PLXND1: variants seen among roughly 807,000 people sequenced by gnomAD.
PLXND1 encodes the protein plexin-D1.
A neutral mutation model predicts 197.7 loss-of-function variants in PLXND1; 54 were observed. The ratio of observed to expected loss-of-function variants is 0.27; its 90% CI spans 0.22 to 0.34. PLXND1 has a LOEUF of 0.34. Ranked by LOEUF, PLXND1 falls within the 10% of genes least tolerant of loss-of-function variation. The pLI is 1.00. For missense variants in PLXND1, 2,127 were observed against 2,699.2 expected (o/e 0.79, Z 4.70); for synonymous variants, 1,180 against 1,161.2 (o/e 1.02, Z -0.33).
At position 129,572,740 on chromosome 3, in the gene PLXND1, C is replaced by T; in HGVS notation, c.2946G>A (p.Leu982=). 6.3e-7 allele frequency: 1 copy of T among 1,598,424 alleles called. No individual in the cohort carries two copies. The highest frequency in any genetic ancestry group is 2.2e-5 in the East Asian group (1 of 44,682). ...CCATGGTAGGCTCCAGGGAGTGGAC[C>T]AGGGGCAGCTGTGGGAGGAAGGCAG... ...SRDRFSYVLP[L]VHSLEPTMGP... is the part of the protein sequence containing the mutation. Residue 982 remains leucine (L), a synonymous_variant, in exon 15 of 36, where the codon CTG becomes CTA. Coordinates refer to ENST00000324093, the MANE Select transcript of PLXND1 (RefSeq NM_015103.3).
At chr3:129,561,994 C>A in intron 27 of PLXND1, 91 bp from the exon 28 acceptor site, 1 of 815,354 alleles carries the variant, frequency 1.2e-6, no homozygotes, top group South Asian at 1.4e-5. Flanking sequence ...AGAGGCCTCT[C>A]GCTCTCTCCA....
At chr3:129,599,247 A>G (rs1214594988) in intron 1 of PLXND1, among the ~76,000 whole-genome samples, 1 of 152,240 alleles carries the variant, frequency 6.6e-6, no homozygotes, top group Admixed American at 6.5e-5. Flanking sequence ...GACTTTGCAG[A>G]GGGCGTTTCT....
chr3:129,605,600 C>A lies in PLXND1; in HGVS notation c.1040G>T (p.Gly347Val), dbSNP rs1382908892. 37 of 1,533,642 alleles carry A rather than the reference C, an allele frequency of 2.4e-5. No individual in the cohort carries two copies. Among genetic ancestry groups the A allele is most frequent in the Non-Finnish European group, 3.1e-5 (35 of 1,144,478 alleles). The change falls in exon 1 of 36, where the codon GGC becomes GTC. Residue 347 changes from glycine (G) to valine (V), a missense_variant. Physicochemically the swap from Gly to Val is moderately radical, Grantham distance 109 (BLOSUM62 -3). Coordinates refer to ENST00000324093, the MANE Select transcript of PLXND1 (RefSeq NM_015103.3). ...GTAGAGGTCGCCGCGGCCCGCGCCG[C>A]CCGCGCACTGCAAGCCCAACTGGAT... ...SYIQLGLQCA[G>V]GAGRGDLYSR...
rs557479575 is a variant in PLXND1, at chr3:129,560,357, G to T, written c.5106C>A (p.Ile1702=). 5.0e-6 allele frequency: 8 copies of T among 1,613,604 alleles called. No individual in the cohort carries two copies. The African/African-American group carries it at 9.3e-5, about 19-fold the overall frequency. Reference sequence around the variant, plus strand: ...TGGTGGAGAGCAGGCGGGTCAGGTAGATTTCCGGGAGCACCTTCTTGCGAT... The same window carrying T: ...TGGTGGAGAGCAGGCGGGTCAGGTATATTTCCGGGAGCACCTTCTTGCGAT... ...QSHRKKVLPE[I]YLTRLLSTKG... is the part of the protein sequence containing the mutation. Residue 1702 remains isoleucine, a synonymous_variant, in exon 31 of 36, where the codon ATC becomes ATA. Transcript: ENST00000324093.
rs749184239 is a variant in PLXND1 at position 129,558,902 on chromosome 3, T to C, written c.5298-327A>G. 6.6e-6 allele frequency among the ~76,000 whole-genome samples: 1 copy of C among 151,952 alleles called. No individual in the cohort carries two copies. Among genetic ancestry groups the C allele is most frequent in the Non-Finnish European group, 1.5e-5 (1 of 67,948 alleles). On this transcript the variant is annotated intron_variant, in intron 32 of 35. Transcript: ENST00000324093. This position sits in a 1 kb window ranked among gnomAD's most constrained non-coding sequence, Gnocchi z 4.1. ...GCACCCCTGGCTCCTCCCTGAACCC[T>C]TGCAGGCAGCAGGAAGTCCGACATT...
At chr3:129,574,232 G>T in intron 12 of PLXND1, 104 bp downstream of exon 12, 2 of 1,028,118 alleles carry the variant, frequency 1.9e-6, no homozygotes, top group Non-Finnish European at 2.8e-6. Flanking sequence ...CCCATGTGTC[G>T]GTGTATGTGC....
At position 129,571,783 on chromosome 3, in the gene PLXND1, C is replaced by T. The variant is rs771634154; in HGVS notation, c.3139G>A (p.Val1047Met). The stretch of plus-strand genomic sequence containing the variant: ...CCCCGACGCTCGAAGCGCACACACA[C>T]AGGCACCGGAGCCGGCAGGGCCCCC... The part of the protein sequence containing the change: ...PEGALPAPVP[V>M]CVRFERRGCV... Residue 1047 changes from valine (V) to methionine (M), a missense_variant, in exon 16 of 36, where the codon GTG (valine) becomes ATG (methionine). Val to Met is a conservative substitution (Grantham distance 21). This residue lies in a region of PLXND1 where 1,095 missense variants were observed against 1,259.8 expected (regional missense o/e 0.87). Transcript: ENST00000324093. 1.9e-6 allele frequency: 3 copies of T among 1,613,216 alleles called. No individual in the cohort carries two copies. Among genetic ancestry groups the T allele is most frequent in the Non-Finnish European group, 2.5e-6 (3 of 1,179,922 alleles).
chr3:129,584,353 C>G lies in PLXND1; in HGVS notation c.2029+32G>C, dbSNP rs761371419. The G allele has an allele frequency of 4.4e-6, 7 of 1,607,944 alleles. No homozygotes were observed. In the African/African-American group the frequency reaches 8.0e-5, roughly 18 times the overall value. ...CCTGACAGTCCACCGTTCTGCCCCT[C>G]TGGGGCTGTGCCAACAGCACAGCGT... On this transcript the variant is annotated intron_variant, in intron 6 of 35. Transcript: ENST00000324093.
chr3:129,583,588 G>C lies in PLXND1; in HGVS notation c.2220C>G (p.Cys740Trp), dbSNP rs758049237. 8 of 1,613,198 alleles carry C rather than the reference G, an allele frequency of 5.0e-6. No individual in the cohort carries two copies. The highest frequency in any genetic ancestry group is 1.1e-5 in the South Asian group (1 of 90,998). Residue 740 changes from cysteine (C) to tryptophan (W), a missense_variant, in exon 8 of 36, where the codon TGC becomes TGG. Cys to Trp is a radical substitution (Grantham distance 215). This residue lies in a region of PLXND1 where 1,095 missense variants were observed against 1,259.8 expected (regional missense o/e 0.87). Coordinates refer to ENST00000324093, the MANE Select transcript of PLXND1 (RefSeq NM_015103.3). ...QHSCVSNQSR[C>W]EASPNPTSPQ... ...TTACCGTGGGGTTTGGTGAGGCCTCGCACCGAGACTGGTTGGAAACACAGG... is the reference window on the plus strand; with the variant it reads ...TTACCGTGGGGTTTGGTGAGGCCTCCCACCGAGACTGGTTGGAAACACAGG...
At position 129,571,207 on chromosome 3, in the gene PLXND1, C is replaced by A; in HGVS notation, c.3433G>T (p.Ala1145Ser). Residue 1145 changes from alanine to serine, a missense_variant, in exon 18 of 36, where the codon GCC becomes TCC. Ala to Ser is a moderately conservative substitution (Grantham distance 99, BLOSUM62 1). Around this residue, in one of 6 missense-constraint regions of PLXND1, gnomAD observed 532 missense variants for 811.0 expected, o/e 0.66. Coordinates refer to ENST00000324093, the MANE Select transcript of PLXND1 (RefSeq NM_015103.3). ...GCCACAGCCACCTCGTCTGCGTAGG[C>A]CCGCCCATTGATGAAGAAGTCCACT... is the stretch of plus-strand genomic sequence containing the variant. ...APVDFFINGR[A>S]YADEVAVAEE... 1 of 1,614,184 alleles carries A rather than the reference C, an allele frequency of 6.2e-7. No homozygotes were observed. Among genetic ancestry groups the A allele is most frequent in the South Asian group, 1.1e-5 (1 of 91,088 alleles).
Position 129,575,438 on chromosome 3 carries a change from G to A in PLXND1, c.2530+31C>T, listed in dbSNP as rs546924698. 220 of 1,405,642 alleles carry A rather than the reference G, an allele frequency of 1.6e-4. 1 individual carries two copies. The highest frequency in any genetic ancestry group is 1.2e-3 in the South Asian group (101 of 81,256). 87.1% of individuals were successfully genotyped at this position (1,405,642 alleles called of 1,614,324 possible). On this transcript the variant is annotated intron_variant, in intron 11 of 35. Transcript: ENST00000324093. ...GCCCCACCCACTGCACTGAGGCCCC[G>A]AGGCCATGTGGGGCGGGTGGGGGTG...
At chr3:129,573,445 T>C (rs2085265976) in intron 13 of PLXND1, 149 bp downstream of exon 13, 13 of 749,420 alleles carry the variant, frequency 1.7e-5, no homozygotes, top group South Asian at 7.3e-5. Flanking sequence ...GTGGTGGGAA[T>C]GGCTTCGGCA....
In PLXND1 at chr3:129,606,184, G is replaced by A; in HGVS notation, c.456C>T (p.Arg152=). Residue 152 remains arginine (R), a synonymous_variant, in exon 1 of 36, where the codon CGC becomes CGT. Coordinates refer to ENST00000324093, the MANE Select transcript of PLXND1 (RefSeq NM_015103.3). Reference sequence around the variant, plus strand: ...CGGCCACGGCCGAGATGTTGCCCCGGCGCCGCAGCTGGCAGAAGCCCTGGT... The same window carrying A: ...CGGCCACGGCCGAGATGTTGCCCCGACGCCGCAGCTGGCAGAAGCCCTGGT... The part of the protein sequence containing the change: ...SIYQGFCQLR[R]RGNISAVAVR... The A allele has an allele frequency of 6.4e-7, 1 of 1,552,694 alleles. No individual in the cohort carries two copies. Among genetic ancestry groups the A allele is most frequent in the South Asian group, 1.2e-5 (1 of 85,246 alleles).
At position 129,567,820 on chromosome 3, in the gene PLXND1, G is replaced by C; in HGVS notation, c.3866-15C>G. ...GACGAACAGGGCTGCGGGCAGTGGA[G>C]AGGCAGGTCAGGCCTCTGGTGCCCT... On this transcript the variant is annotated splice_polypyrimidine_tract_variant and intron_variant, in intron 20 of 35. Coordinates refer to ENST00000324093, the MANE Select transcript of PLXND1 (RefSeq NM_015103.3). 6.5e-7 allele frequency: 1 copy of C among 1,547,298 alleles called. No homozygotes were observed. The highest frequency in any genetic ancestry group is 1.1e-5 in the South Asian group (1 of 88,882).
At position 129,584,474 on chromosome 3, in the gene PLXND1, G is replaced by T; in HGVS notation, c.1940C>A (p.Ala647Asp). ...ACCAAAGGCAGGGCCTGGGACCCGA[G>T]CCACAGTGCGGATGTTGTTCCCATA... ...CDYGNNIRTV[A>D]RVPGPAFGHQ... is the part of the protein sequence containing the mutation. Residue 647 changes from alanine to aspartate, a missense_variant, in exon 6 of 36, where the codon GCT (alanine) becomes GAT (aspartate). Coordinates refer to ENST00000324093, the MANE Select transcript of PLXND1 (RefSeq NM_015103.3). 6.2e-7 allele frequency: 1 copy of T among 1,614,008 alleles called. No homozygotes were observed. The highest frequency in any genetic ancestry group is 8.5e-7 in the Non-Finnish European group (1 of 1,180,000).
chr3:129,593,704 C>T (rs1296586629), intron 1 of PLXND1, among the ~76,000 whole-genome samples: 1 of 152,244 alleles, frequency 6.6e-6, no homozygotes, highest in Non-Finnish European at 1.5e-5. Flanking sequence ...ATGCTGGGTG[C>T]TGGAGAACTG....
At position 129,556,408 on chromosome 3, in the gene PLXND1, G is replaced by T; in HGVS notation, c.5682C>A (p.Ala1894=). ...YRPQIMAALE[A]NPTARRTQLQ... is the part of the protein sequence containing the mutation. Reference sequence around the variant, plus strand: ...GTTGTGTCCTCCGGGCCGTGGGGTTGGCCTCCAGCGCGGCCATGATCTGAG... The same window carrying T: ...GTTGTGTCCTCCGGGCCGTGGGGTTTGCCTCCAGCGCGGCCATGATCTGAG... The change falls in exon 36 of 36, where the codon GCC becomes GCA. Residue 1894 remains alanine, a synonymous_variant. Transcript: ENST00000324093. 1 of 1,614,118 alleles carries T rather than the reference G, an allele frequency of 6.2e-7. No homozygotes were observed. The highest frequency in any genetic ancestry group is 2.2e-5 in the East Asian group (1 of 44,876).
intron 1 of PLXND1, among the ~76,000 whole-genome samples, chr3:129,601,127 A>G (rs557179491): frequency 6.6e-6 from 1 of 152,172 alleles, no homozygotes; most frequent in Non-Finnish European, 1.5e-5. Context: ...CTTGCACTCC[A>G]AACAGGTTGT....
In PLXND1 at chr3:129,567,547, T is replaced by G. The variant is rs1433776539; in HGVS notation, c.4031A>C (p.Gln1344Pro). The change falls in exon 22 of 36, where the codon CAG (glutamine) becomes CCG (proline). Residue 1344 changes from glutamine (Q) to proline (P), a missense_variant. Physicochemically the swap from Gln to Pro is moderately conservative, Grantham distance 76. Coordinates refer to ENST00000324093, the MANE Select transcript of PLXND1 (RefSeq NM_015103.3). ...TDLTKELNRSQGIPFLEYKHF... is the reference protein window; with the variant it reads ...TDLTKELNRSPGIPFLEYKHF... Reference sequence around the variant, plus strand: ...CTTATACTCCAGGAAGGGGATGCCCTGGCTGCGGTTCAGCTCCTTGGTGAG... The same window carrying G: ...CTTATACTCCAGGAAGGGGATGCCCGGGCTGCGGTTCAGCTCCTTGGTGAG... The G allele has an allele frequency of 5.6e-6, 9 of 1,612,130 alleles. No individual in the cohort carries two copies. Among genetic ancestry groups the G allele is most frequent in the Non-Finnish European group, 7.6e-6 (9 of 1,179,038 alleles).
Sources: gnomAD v4.1 joint callset for allele counts (sites outside exome capture counted in the v4.1 genomes callset) on GRCh38, gnomAD v4.1.1 for gene constraint, gnomAD v4.1.1 regional missense constraint, Gnocchi (gnomAD v3.1) non-coding constraint, MANE v1.5 for transcripts, NCBI Gene and HGNC (gene_info 2026-07-23, HGNC 2026-07-21) for gene names.